ZMYM2: variants seen among roughly 807,000 people sequenced by gnomAD.
ZMYM2 encodes zinc finger MYM-type protein 2.
A neutral mutation model predicts 162.8 loss-of-function variants in ZMYM2; 56 were observed. The ratio of observed to expected loss-of-function variants is 0.34; its 90% CI spans 0.28 to 0.43. ZMYM2 has a LOEUF of 0.43. ZMYM2 is among the 20% of genes least tolerant of loss of function. The pLI, the probability that ZMYM2 is intolerant of heterozygous loss-of-function variation, is 1.00. For synonymous variants in ZMYM2, 510 were observed against 541.6 expected, an observed-to-expected ratio of 0.94 and a Z score of 0.81; for missense variants, 1,275 against 1,621.8, an observed-to-expected ratio of 0.79 and a Z score of 3.67.
At chr13:19,948,799 TC>T in the ZMYM2 span, among the ~76,000 whole-genome samples, 246 of 152,282 alleles carry the variant, frequency 1.6e-3, 1 homozygote, top group African/African-American at 5.6e-3. Flanking sequence ...GTGTGGGAAC[TC>T]TCTGAATTTT....
chr13:19,976,470 A>T (rs1420666157), intron 2 of ZMYM2, among the ~76,000 whole-genome samples: 1 of 152,074 alleles, frequency 6.6e-6, no homozygotes, highest in African/African-American at 2.4e-5. Context: ...TGTTCAGCTC[A>T]ATATTAGTCG....
chr13:19,934,965 C>A, the ZMYM2 span, among the ~76,000 whole-genome samples: 1 of 152,006 alleles, frequency 6.6e-6, no homozygotes, highest in Middle Eastern at 3.4e-3. Flanking sequence ...CGAGGTTTCA[C>A]CATGTTGGCC....
In ZMYM2 at chr13:20,086,070, A is replaced by G. The variant is rs908302683; in HGVS notation, c.*56A>G. Reference sequence around the variant, plus strand: ...AACAGCATTAGATAGTCATGCTGCTAGATCTTTATTATGGAAAACATTTCA... The same window carrying G: ...AACAGCATTAGATAGTCATGCTGCTGGATCTTTATTATGGAAAACATTTCA... On this transcript the variant is annotated 3_prime_UTR_variant, in exon 25 of 25. Coordinates refer to ENST00000610343, the MANE Select transcript of ZMYM2 (RefSeq NM_197968.4). The G allele has an allele frequency of 3.3e-6, 5 of 1,523,888 alleles. No individual in the cohort carries two copies. The African/African-American group carries it at 6.9e-5, about 21-fold the overall frequency. 94.4% of individuals were successfully genotyped at this position (1,523,888 alleles called of 1,614,324 possible).
At chr13:19,937,478 G>A in the ZMYM2 span, among the ~76,000 whole-genome samples, 1 of 128,236 alleles carries the variant, frequency 7.8e-6, no homozygotes, top group Non-Finnish European at 1.6e-5. Flanking sequence ...TTTTTTTTGA[G>A]ACAGAGTCTC....
chr13:19,872,148 T>TC, the ZMYM2 span, among the ~76,000 whole-genome samples: 2 of 151,900 alleles, frequency 1.3e-5, no homozygotes, highest in Non-Finnish European at 2.9e-5. Flanking sequence ...TTCTTTTTTT[T>TC]TTTTTTTAAA....
chr13:20,043,167 C>T (rs533707244), intron 12 of ZMYM2, among the ~76,000 whole-genome samples: 14 of 152,256 alleles, frequency 9.2e-5, no homozygotes, highest in Non-Finnish European at 1.6e-4. Context: ...GCTTTAACTC[C>T]GGGGTACTTA....
chr13:19,995,679 C>G (rs1242510422), intron 3 of ZMYM2, among the ~76,000 whole-genome samples: 1 of 152,106 alleles, frequency 6.6e-6, no homozygotes, highest in African/African-American at 2.4e-5. Context: ...GTACCCAGCC[C>G]CCCACCTTTT....
the ZMYM2 span, among the ~76,000 whole-genome samples, chr13:19,926,564 A>T: frequency 6.6e-6 from 1 of 151,700 alleles, no homozygotes; most frequent in Admixed American, 6.6e-5. Context: ...AGGTTTCTCC[A>T]TGTCGGCCAG....
At chr13:20,030,987 T>G (rs1488530191) in intron 9 of ZMYM2, among the ~76,000 whole-genome samples, 1 of 152,204 alleles carries the variant, frequency 6.6e-6, no homozygotes, top group East Asian at 1.9e-4. Context: ...TTCTGTTAGT[T>G]CAGAACGTGG....
chr13:19,882,498 G>C, the ZMYM2 span, among the ~76,000 whole-genome samples: 3 of 152,122 alleles, frequency 2.0e-5, no homozygotes, highest in Non-Finnish European at 4.4e-5. Flanking sequence ...TGTAATCCTA[G>C]CATTTTGGGA....
At chr13:19,993,945 C>T (rs934877913) in intron 3 of ZMYM2, 26 bp downstream of exon 3, 3 of 1,572,050 alleles carry the variant, frequency 1.9e-6, no homozygotes, top group African/African-American at 2.7e-5. Flanking sequence ...TACTCTACTT[C>T]ATGTAAATGA....
At chr13:20,046,384 AAAAAAT>A (rs1340590160) in intron 12 of ZMYM2, among the ~76,000 whole-genome samples, 13 of 151,578 alleles carry the variant, frequency 8.6e-5, no homozygotes, top group African/African-American at 2.4e-4. Flanking sequence ...CCATCTCTAC[AAAAAAT>A]AAAAATAAAA....
chr13:19,981,652 C>A (rs6490501), intron 2 of ZMYM2, among the ~76,000 whole-genome samples: 6 of 152,118 alleles, frequency 3.9e-5, no homozygotes, highest in African/African-American at 1.4e-4. Flanking sequence ...CCTGTAAATA[C>A]GAATTTTTTC....
the ZMYM2 span, among the ~76,000 whole-genome samples, chr13:19,945,229 A>G: frequency 6.6e-6 from 1 of 152,264 alleles, no homozygotes; most frequent in East Asian, 1.9e-4. Context: ...CAGCAATGTT[A>G]TACATTTTAG....
intron 2 of ZMYM2, among the ~76,000 whole-genome samples, chr13:19,961,185 C>G (rs181820599): frequency 4.9e-4 from 75 of 151,628 alleles, no homozygotes; most frequent in African/African-American, 1.8e-3. Flanking sequence ...TACTGAACCT[C>G]CATGTACCCA....
chr13:19,995,002 T>TA (rs11415288), intron 3 of ZMYM2, among the ~76,000 whole-genome samples: 113,787 of 140,614 alleles, frequency 0.81, 46,912 homozygotes, highest in Non-Finnish European at 0.89. Flanking sequence ...CTGGCTAAAT[T>TA]AAAAAAAAAA....
chr13:19,885,864 T>TATATATATGTATATACAC, the ZMYM2 span, among the ~76,000 whole-genome samples: 14 of 37,772 alleles, frequency 3.7e-4, 2 homozygotes, highest in African/African-American at 7.8e-4. Flanking sequence ...AAAAAAAAAA[T>TATATATATGTATATACAC]ATATATATGT....
the ZMYM2 span, among the ~76,000 whole-genome samples, chr13:19,884,668 T>G: frequency 2.0e-5 from 3 of 152,108 alleles, no homozygotes; most frequent in African/African-American, 7.2e-5. Flanking sequence ...GCCATAGTTC[T>G]TAAAAGTAGC....
chr13:19,969,703 A>G (rs1285543257), intron 2 of ZMYM2, among the ~76,000 whole-genome samples: 1 of 152,174 alleles, frequency 6.6e-6, no homozygotes, highest in Non-Finnish European at 1.5e-5. Flanking sequence ...TTACTAGATA[A>G]TTTAAAAAAT....
Sources: allele counts gnomAD v4.1 joint callset (sites outside exome capture counted in the v4.1 genomes callset), GRCh38; gene constraint gnomAD v4.1.1; transcripts MANE v1.5; gene names NCBI Gene and HGNC (gene_info 2026-07-23, HGNC 2026-07-21).